The following HOXC4 variants were observed in gnomAD, a reference collection of about 807,000 sequenced individuals.
HOXC4 encodes the protein homeobox C4.
Under a neutral mutation model 25.5 loss-of-function variants are expected in HOXC4, and 15 were observed. The ratio of observed to expected loss-of-function variants is 0.59; its 90% CI spans 0.39 to 0.91. HOXC4 has a LOEUF of 0.91. HOXC4 is among the 40% of genes least tolerant of loss of function. The pLI is 0.00. For synonymous variants in HOXC4, 165 were observed against 148.0 expected (o/e 1.11, Z -0.83); for missense variants, 342 against 352.4 (o/e 0.97, Z 0.24).
chr12:54,030,734 A>C (rs1316155298), intron 1 of HOXC4: 2 of 152,668 alleles, frequency 1.3e-5, no homozygotes, highest in African/African-American at 4.8e-5. Flanking sequence ...ATAAATAAAT[A>C]AATCCCTTCG....
intron 1 of HOXC4, chr12:54,033,857 G>A: frequency 1.9e-6 from 1 of 521,670 alleles, no homozygotes; most frequent in Non-Finnish European, 3.5e-6. Context: ...AGGAGCGCGG[G>A]GCTCCAGAGC....
chr12:54,019,613 T>C (rs979499808), intron 1 of HOXC4, among the ~76,000 whole-genome samples: 3 of 152,002 alleles, frequency 2.0e-5, no homozygotes, highest in Non-Finnish European at 4.4e-5. Context: ...AAGAAAACCT[T>C]TTCCAGAGAA....
At position 54,028,590 on chromosome 12, in the gene HOXC4, C is replaced by T. The variant is rs201443964; in HGVS notation, c.-124+11176C>T. 2.8e-5 allele frequency: 45 copies of T among 1,614,142 alleles called. No homozygotes were observed. The East Asian group carries it at 9.6e-4, about 34-fold the overall frequency. On this transcript the variant is annotated intron_variant, in intron 1 of 3. Coordinates refer to the HOXC4 transcript ENST00000303406. ...CCGGGGGCCAGGACGTCCTCCCCAA[C>T]GTCGCCCTCAATTCCACCGCCTATG...
At chr12:54,034,604 G>A in intron 1 of HOXC4, 1 of 839,342 alleles carries the variant, frequency 1.2e-6, no homozygotes, top group Non-Finnish European at 1.9e-6. Flanking sequence ...CTGGAGCACT[G>A]GGCTCCCGGG....
intron 1 of HOXC4, chr12:54,033,978 G>A (rs1941096150): frequency 1.7e-6 from 1 of 574,142 alleles, no homozygotes; most frequent in Non-Finnish European, 3.3e-6. Context: ...GGGGTCCCCG[G>A]TGCTCGGATC....
At chr12:54,054,701 C>T (rs1937933648) in intron 1 of HOXC4, 149 bp from the exon 2 acceptor site, 1 of 624,804 alleles carries the variant, frequency 1.6e-6, no homozygotes, top group African/African-American at 1.9e-5. Flanking sequence ...CTTCAGCTTC[C>T]TTCAACTTCT....
intron 1 of HOXC4, among the ~76,000 whole-genome samples, chr12:54,029,234 G>A (rs966358269): frequency 2.6e-5 from 4 of 152,350 alleles, no homozygotes; most frequent in African/African-American, 7.2e-5. Context: ...CTGAGGAGAA[G>A]GGAGGGGGAG....
intron 1 of HOXC4, among the ~76,000 whole-genome samples, chr12:54,038,235 TTCTC>T (rs1459390513): frequency 1.3e-5 from 2 of 152,188 alleles, no homozygotes; most frequent in African/African-American, 4.8e-5. Flanking sequence ...CCACTCCTTA[TTCTC>T]TCTGACTGCA....
chr12:54,050,649 A>G (rs1937823155), upstream of HOXC4, among the ~76,000 whole-genome samples: 1 of 149,344 alleles, frequency 6.7e-6, no homozygotes, highest in Admixed American at 6.8e-5. Context: ...GTTTGTGTGT[A>G]TGTGTGTGGT....
At chr12:54,026,446 G>T (rs1408846333) in intron 1 of HOXC4, among the ~76,000 whole-genome samples, 1 of 152,208 alleles carries the variant, frequency 6.6e-6, no homozygotes, top group Non-Finnish European at 1.5e-5. Context: ...CCCCAAAAAT[G>T]AGATAACTCA....
At chr12:54,052,261 C>G (rs1372528444), upstream of HOXC4, among the ~76,000 whole-genome samples, 2 of 152,148 alleles carry the variant, frequency 1.3e-5, no homozygotes, top group African/African-American at 2.4e-5. Context: ...GGCGATTCCG[C>G]GAGACTGATT....
chr12:54,053,937 G>T lies in HOXC4; in HGVS notation c.15G>T (p.Ser5=), dbSNP rs754748322. 1 of 1,606,354 alleles carries T rather than the reference G, an allele frequency of 6.2e-7. No homozygotes were observed. The highest frequency in any genetic ancestry group is 8.5e-7 in the Non-Finnish European group (1 of 1,173,502). The stretch of plus-strand genomic sequence containing the variant: ...TCCAGAAATTAATGATCATGAGCTC[G>T]TATTTGATGGACTCTAACTACATCG... MIMS[S]YLMDSNYIDP... Residue 5 remains serine, a synonymous_variant, in exon 1 of 2, where the codon TCG becomes TCT. Coordinates refer to ENST00000430889, the MANE Select transcript of HOXC4 (RefSeq NM_153633.3).
chr12:54,048,306 T>C (rs922144570), intron 1 of HOXC4, among the ~76,000 whole-genome samples: 1 of 152,100 alleles, frequency 6.6e-6, no homozygotes, highest in Non-Finnish European at 1.5e-5. Context: ...TCCAAAGTTC[T>C]TTCTCACAGA....
At chr12:54,045,670 G>A (rs573226560) in intron 1 of HOXC4, among the ~76,000 whole-genome samples, 10 of 152,124 alleles carry the variant, frequency 6.6e-5, no homozygotes, top group Non-Finnish European at 1.5e-5. Flanking sequence ...CCTTCTAGAA[G>A]GACTTAAACT....
At chr12:54,054,604 G>A (rs2136468972) in intron 1 of HOXC4, among the ~76,000 whole-genome samples, 1 of 152,264 alleles carries the variant, frequency 6.6e-6, no homozygotes, top group African/African-American at 2.4e-5. Flanking sequence ...TGTTATGTAT[G>A]TGTGAAAACT....
At chr12:54,050,715 G>A (rs776561028), upstream of HOXC4, among the ~76,000 whole-genome samples, 33 of 152,234 alleles carry the variant, frequency 2.2e-4, no homozygotes, top group Non-Finnish European at 4.7e-4. Context: ...AGCCCAAAGA[G>A]AGTTGCTGTT....
At chr12:54,022,973 A>G (rs1326073895) in intron 1 of HOXC4, among the ~76,000 whole-genome samples, 1 of 152,124 alleles carries the variant, frequency 6.6e-6, no homozygotes, top group Non-Finnish European at 1.5e-5. Flanking sequence ...TTGAGGCCCT[A>G]TTCTGGGGGC....
Position 54,053,910 on chromosome 12 carries a change from A to G in HOXC4, c.-13A>G, listed in dbSNP as rs1300398763. On this transcript the variant is annotated 5_prime_UTR_variant, in exon 1 of 2. Transcript: ENST00000430889. ...GACAAAGCGAGAAAAATTATTTTCCACTCCAGAAATTAATGATCATGAGCT... is the reference window on the plus strand; with the variant it reads ...GACAAAGCGAGAAAAATTATTTTCCGCTCCAGAAATTAATGATCATGAGCT... 2 of 1,585,388 alleles carry G rather than the reference A, an allele frequency of 1.3e-6. No homozygotes were observed. Among genetic ancestry groups the G allele is most frequent in the East Asian group, 4.5e-5 (2 of 44,388 alleles).
At chr12:54,049,782 A>G (rs1435571415), upstream of HOXC4, among the ~76,000 whole-genome samples, 1 of 151,296 alleles carries the variant, frequency 6.6e-6, no homozygotes, top group African/African-American at 2.4e-5. Flanking sequence ...ACACACACAC[A>G]CACACACACA....
Sources: gnomAD v4.1 joint callset for allele counts (sites outside exome capture counted in the v4.1 genomes callset) on GRCh38, gnomAD v4.1.1 for gene constraint, MANE v1.5 for transcripts, NCBI Gene and HGNC (gene_info 2026-07-23, HGNC 2026-07-21) for gene names.